SHANK2: variants seen among roughly 807,000 people sequenced by gnomAD.
SHANK2 encodes SH3 and multiple ankyrin repeat domains protein 2.
A neutral mutation model predicts 133.7 loss-of-function variants in SHANK2; 43 were observed. The ratio of observed to expected loss-of-function variants is 0.32; its 90% confidence interval spans 0.25 to 0.41. The LOEUF is 0.41. SHANK2 is among the 10% of genes least tolerant of loss of function. The pLI, the probability that SHANK2 is intolerant of heterozygous loss-of-function variation, is 1.00. For missense variants in SHANK2, 1,994 were observed against 2,235.8 expected, an observed-to-expected ratio of 0.89 and a Z score of 2.18; for synonymous variants, 1,017 against 952.8, an observed-to-expected ratio of 1.07 and a Z score of -1.24.
At chr11:70,881,299 G>A (rs1190164051) in intron 11 of SHANK2, among the ~76,000 whole-genome samples, 10 of 151,964 alleles carry the variant, frequency 6.6e-5, no homozygotes, top group Admixed American at 5.9e-4. Context: ...CTCCAGTTTC[G>A]GCCTCCCAAA....
At chr11:71,218,270 T>G (rs1313518670) in intron 2 of SHANK2, among the ~76,000 whole-genome samples, 5 of 147,286 alleles carry the variant, frequency 3.4e-5, no homozygotes, top group Non-Finnish European at 7.5e-5. Context: ...TCTTTTTTTT[T>G]TTTTTTTTTT....
At chr11:71,204,457 C>T (rs190557932) in intron 2 of SHANK2, among the ~76,000 whole-genome samples, 8 of 152,278 alleles carry the variant, frequency 5.3e-5, no homozygotes, top group Admixed American at 1.3e-4. Context: ...CCCATGGACA[C>T]GTTCTCGGGT....
chr11:70,925,883 G>A (rs1233706578), intron 10 of SHANK2, among the ~76,000 whole-genome samples: 1 of 152,186 alleles, frequency 6.6e-6, no homozygotes, highest in Non-Finnish European at 1.5e-5. Flanking sequence ...GTTCCTGAGA[G>A]CCTCTGGTCA....
intron 17 of SHANK2, among the ~76,000 whole-genome samples, chr11:70,601,827 A>G (rs574404152): frequency 1.3e-5 from 2 of 152,384 alleles, no homozygotes; most frequent in South Asian, 4.1e-4. Context: ...AATGGCAATG[A>G]AAAATTATTA....
chr11:70,872,683 C>T (rs1029347597), intron 11 of SHANK2, among the ~76,000 whole-genome samples: 22 of 152,168 alleles, frequency 1.4e-4, no homozygotes, highest in East Asian at 1.4e-3. Flanking sequence ...ACATTACTTC[C>T]GGCTCCCTGG....
intron 14 of SHANK2, among the ~76,000 whole-genome samples, chr11:70,731,948 C>T (rs1238171848): frequency 6.6e-6 from 1 of 152,172 alleles, no homozygotes; most frequent in African/African-American, 2.4e-5. Flanking sequence ...TCCCCTTTCT[C>T]ACTTCCTGGA....
At chr11:71,221,068 G>T (rs1350547410) in intron 2 of SHANK2, among the ~76,000 whole-genome samples, 1 of 152,016 alleles carries the variant, frequency 6.6e-6, no homozygotes, top group African/African-American at 2.4e-5. Context: ...GGGCTTGGTG[G>T]CAGGCGCCTG....
chr11:70,508,822 G>A (rs2059164752), intron 17 of SHANK2, among the ~76,000 whole-genome samples: 1 of 152,192 alleles, frequency 6.6e-6, no homozygotes, highest in African/African-American at 2.4e-5. Context: ...TCTGGAGGTC[G>A]AGACTGCAAT....
chr11:70,772,748 C>T (rs1947279305), intron 14 of SHANK2, among the ~76,000 whole-genome samples: 1 of 152,160 alleles, frequency 6.6e-6, no homozygotes, highest in Non-Finnish European at 1.5e-5. Flanking sequence ...CTTTACACCA[C>T]CTGTATATGT....
In SHANK2 at chr11:70,807,181, G is replaced by T; in HGVS notation, c.1494-10C>A. 1.4e-6 allele frequency: 1 copy of T among 716,298 alleles called. No homozygotes were observed. 44.4% of individuals were successfully genotyped at this position (716,298 alleles called of 1,614,324 possible). A position where few individuals can be genotyped will look rare whatever the true frequency, so the allele number is the denominator to read the frequency against. On this transcript the variant is annotated splice_polypyrimidine_tract_variant and intron_variant, in intron 12 of 25. Coordinates refer to ENST00000601538, the MANE Select transcript of SHANK2 (RefSeq NM_012309.5). This position sits in a 1 kb window ranked among gnomAD's most constrained non-coding sequence, Gnocchi z 4.8. ...AAGAGCAAAAGGCGACCTGGACCAG[G>T]TGAGAGGGGCAGAGAGAGAGAGAGC... is the stretch of plus-strand genomic sequence containing the variant.
chr11:71,060,850 G>A lies in SHANK2; in HGVS notation c.1030-4292C>T, dbSNP rs912033915. On this transcript the variant is annotated intron_variant, in intron 9 of 25. Coordinates refer to ENST00000601538, the MANE Select transcript of SHANK2 (RefSeq NM_012309.5). ...AGCAGCCGATATAGGGTGACGCTCCGCACAGGGTTTCAGGGTGGGAAACCC... is the reference window on the plus strand; with the variant it reads ...AGCAGCCGATATAGGGTGACGCTCCACACAGGGTTTCAGGGTGGGAAACCC... Among the ~76,000 whole-genome samples, 44 of 152,296 alleles carry A rather than the reference G, an allele frequency of 2.9e-4. No homozygotes were observed. In the East Asian group the frequency reaches 3.9e-3, roughly 13 times the overall value.
intron 10 of SHANK2, among the ~76,000 whole-genome samples, chr11:70,905,874 C>T (rs547346743): frequency 6.6e-6 from 1 of 150,668 alleles, no homozygotes; most frequent in East Asian, 2.0e-4. Flanking sequence ...TGCAGTGGCA[C>T]GATCTCCAGT....
chr11:71,071,444 A>G (rs1489239992), intron 9 of SHANK2, among the ~76,000 whole-genome samples: 1 of 152,270 alleles, frequency 6.6e-6, no homozygotes, highest in East Asian at 1.9e-4. Context: ...CTCTGATGAT[A>G]TCCACACGTG....
At chr11:70,817,702 T>C (rs1438090493) in intron 12 of SHANK2, among the ~76,000 whole-genome samples, 1 of 152,192 alleles carries the variant, frequency 6.6e-6, no homozygotes, top group Non-Finnish European at 1.5e-5. Context: ...CTGAACGCCT[T>C]CAGCTGATCT....
chr11:70,907,315 A>T (rs1950120253), intron 10 of SHANK2, among the ~76,000 whole-genome samples: 1 of 152,102 alleles, frequency 6.6e-6, no homozygotes, highest in African/African-American at 2.4e-5. Flanking sequence ...TCCAGCCCTC[A>T]GCACCCCTCC....
At chr11:71,071,255 C>G (rs1951137499) in intron 9 of SHANK2, among the ~76,000 whole-genome samples, 2 of 152,208 alleles carry the variant, frequency 1.3e-5, no homozygotes, top group African/African-American at 4.8e-5. Context: ...TAATGTATCT[C>G]CACACTCACA....
At chr11:71,105,160 G>A (rs545230260) in intron 6 of SHANK2, among the ~76,000 whole-genome samples, 7 of 152,242 alleles carry the variant, frequency 4.6e-5, no homozygotes, top group African/African-American at 1.2e-4. Context: ...AAGGAAACGC[G>A]CTTCCAAGCT....
At chr11:70,806,246 G>A (rs1464837749) in intron 13 of SHANK2, among the ~76,000 whole-genome samples, 6 of 152,172 alleles carry the variant, frequency 3.9e-5, no homozygotes, top group Admixed American at 1.3e-4. Context: ...GGCGGGGCCC[G>A]GGCATGCTGG....
At chr11:71,093,676 C>T (rs1214725265) in intron 7 of SHANK2, among the ~76,000 whole-genome samples, 1 of 152,192 alleles carries the variant, frequency 6.6e-6, no homozygotes, top group Non-Finnish European at 1.5e-5. Context: ...GAAGCAGAAA[C>T]TGCTCTGCTT....
Sources: allele counts gnomAD v4.1 joint callset (sites outside exome capture counted in the v4.1 genomes callset), GRCh38; gene constraint gnomAD v4.1.1; non-coding constraint Gnocchi (gnomAD v3.1); transcripts MANE v1.5; gene names NCBI Gene and HGNC (gene_info 2026-07-23, HGNC 2026-07-21).